Variants in GABRG3 observed in about 807,000 individuals in gnomAD.
GABRG3 encodes gamma-aminobutyric acid type A receptor subunit gamma3.
In GABRG3, 25 loss-of-function variants were observed where a neutral mutation model predicts 48.8. The observed-to-expected ratio is 0.51, with a 90% CI of 0.37 to 0.72. The LOEUF is 0.72. GABRG3 is among the 30% of genes least tolerant of loss of function. GABRG3 has a pLI of 0.00. For synonymous variants in GABRG3, 227 were observed against 217.6 expected, an observed-to-expected ratio of 1.04 and a Z score of -0.38; for missense variants, 394 against 577.9, an observed-to-expected ratio of 0.68 and a Z score of 3.26.
chr15:27,178,785 A>G (rs1887827879), intron 3 of GABRG3, among the ~76,000 whole-genome samples: 1 of 152,192 alleles, frequency 6.6e-6, no homozygotes, highest in Non-Finnish European at 1.5e-5. Flanking sequence ...CTGAAAACAT[A>G]TTCCTCTTTT....
chr15:27,040,376 C>T (rs568915599), intron 3 of GABRG3, among the ~76,000 whole-genome samples: 147 of 152,276 alleles, frequency 9.7e-4, no homozygotes, highest in African/African-American at 3.2e-3. Context: ...GCTGACTGCT[C>T]CCAAGTCACT....
chr15:27,359,118 CCAGGTTTGGGAGGCCACCCGGCCT>C (rs1274612004), intron 5 of GABRG3, among the ~76,000 whole-genome samples: 32 of 152,298 alleles, frequency 2.1e-4, no homozygotes, highest in African/African-American at 7.7e-4. Flanking sequence ...CTTCTCCTAT[CCAGGTTTGGGAGGCCACCCGGCCT>C]CAGGCCCCTG....
intron 4 of GABRG3, among the ~76,000 whole-genome samples, chr15:27,327,909 T>G (rs1893670975): frequency 6.6e-6 from 1 of 152,116 alleles, no homozygotes; most frequent in Non-Finnish European, 1.5e-5. Context: ...CCCTGCTGGC[T>G]TAGCTCATCC....
intron 3 of GABRG3, among the ~76,000 whole-genome samples, chr15:27,274,919 G>A (rs185717791): frequency 6.6e-6 from 1 of 152,142 alleles, no homozygotes; most frequent in Admixed American, 6.5e-5. Flanking sequence ...TTTAAATATT[G>A]TGCATTTTCC....
At chr15:27,117,456 C>T (rs1348768065) in intron 3 of GABRG3, among the ~76,000 whole-genome samples, 2 of 152,140 alleles carry the variant, frequency 1.3e-5, no homozygotes, top group East Asian at 3.9e-4. Flanking sequence ...CCAAGACACA[C>T]GCATTGGTCC....
At chr15:27,432,764 A>G (rs1888494515) in intron 5 of GABRG3, among the ~76,000 whole-genome samples, 1 of 152,000 alleles carries the variant, frequency 6.6e-6, no homozygotes, top group Non-Finnish European at 1.5e-5. Flanking sequence ...TTCCTATCAC[A>G]TTTTGCTATT....
chr15:27,032,017 C>T (rs893307102), intron 3 of GABRG3, among the ~76,000 whole-genome samples: 6 of 152,128 alleles, frequency 3.9e-5, no homozygotes, highest in South Asian at 2.1e-4. Context: ...GTTTTGGCAC[C>T]GTTCTAGGAC....
At chr15:27,527,743 C>T in intron 8 of GABRG3, 114 bp downstream of exon 8, 1 of 1,123,380 alleles carries the variant, frequency 8.9e-7, no homozygotes, top group Non-Finnish European at 1.3e-6. Context: ...ATACAAATAC[C>T]CAGTTCAACA....
chr15:27,307,215 A>G (rs1892607543), intron 3 of GABRG3, among the ~76,000 whole-genome samples: 1 of 138,200 alleles, frequency 7.2e-6, no homozygotes, highest in Non-Finnish European at 1.6e-5. Flanking sequence ...ACATGTTTAT[A>G]TATAACCATG....
chr15:27,491,467 G>C (rs1257039172), intron 6 of GABRG3, among the ~76,000 whole-genome samples: 1 of 152,150 alleles, frequency 6.6e-6, no homozygotes, highest in Admixed American at 6.5e-5. Flanking sequence ...GGGTTTCCTT[G>C]AGTATCACCT....
chr15:27,280,333 G>C (rs989168833), intron 3 of GABRG3: 1 of 152,042 alleles, frequency 6.6e-6, no homozygotes, highest in African/African-American at 2.4e-5. Context: ...ATAGCACCTG[G>C]TGTTTCCAGG....
intron 5 of GABRG3, among the ~76,000 whole-genome samples, chr15:27,475,173 T>G (rs761874891): frequency 1.3e-5 from 2 of 151,916 alleles, no homozygotes; most frequent in East Asian, 1.9e-4. Flanking sequence ...TTGGGGAACA[T>G]GACAATCAGA....
intron 5 of GABRG3, among the ~76,000 whole-genome samples, chr15:27,397,930 G>C (rs549457204): frequency 1.3e-5 from 2 of 150,824 alleles, no homozygotes; most frequent in Non-Finnish European, 2.9e-5. Context: ...TCAGCCTCCC[G>C]AGTAGCTGGG....
At position 27,540,370 on chromosome 15, in the gene GABRG3, A is replaced by C. The variant is rs753523859; in HGVS notation, c.*7489A>C. 2 of 152,148 alleles carry C rather than the reference A, an allele frequency of 1.3e-5. No individual in the cohort carries two copies. The highest frequency in any genetic ancestry group is 2.9e-5 in the Non-Finnish European group (2 of 68,036). The allele number at this position is 152,148 out of a possible 1,614,324, so 9.4% of individuals were successfully genotyped here. ...TATCTTTTTTCACTAAAATACATGC[A>C]TCTTTGGAAACTGCAAATTTTGTGA... On this transcript the variant is annotated 3_prime_UTR_variant, in exon 10 of 10. Transcript: ENST00000615808.
intron 5 of GABRG3, among the ~76,000 whole-genome samples, chr15:27,347,959 C>G (rs574949779): frequency 6.6e-6 from 1 of 152,084 alleles, no homozygotes; most frequent in South Asian, 2.1e-4. Flanking sequence ...TTTAGTGCAG[C>G]TTTTTCTCAT....
chr15:27,289,192 A>G lies in GABRG3; in HGVS notation c.271-37617A>G, dbSNP rs377139870. 3.3e-5 allele frequency among the ~76,000 whole-genome samples: 5 copies of G among 151,950 alleles called. No individual in the cohort carries two copies. In the South Asian group the frequency reaches 8.3e-4, roughly 25 times the overall value. On this transcript the variant is annotated intron_variant, in intron 3 of 9. Coordinates refer to ENST00000615808, the MANE Select transcript of GABRG3 (RefSeq NM_033223.5). ...GGTTTCCTGTGCATCTTAAATCTGT[A>G]ACTTTTTTCCTTGATCCATTTAGGT...
At chr15:27,505,508 T>C (rs1454084018) in intron 6 of GABRG3, among the ~76,000 whole-genome samples, 2 of 152,198 alleles carry the variant, frequency 1.3e-5, no homozygotes, top group African/African-American at 4.8e-5. Context: ...CTTTTAATTA[T>C]AAATGGATGT....
intron 3 of GABRG3, among the ~76,000 whole-genome samples, chr15:27,102,725 A>G (rs2140365891): frequency 6.6e-6 from 1 of 152,318 alleles, no homozygotes; most frequent in East Asian, 1.9e-4. Flanking sequence ...TTGTGAGCTT[A>G]CTTCTCCTAA....
In GABRG3 at chr15:27,540,486, T is replaced by A. The variant is rs1891640687; in HGVS notation, c.*7605T>A. 6.6e-6 allele frequency: 1 copy of A among 152,242 alleles called. No individual in the cohort carries two copies. Among genetic ancestry groups the A allele is most frequent in the African/African-American group, 2.4e-5 (1 of 41,466 alleles). The allele number at this position is 152,242 out of a possible 1,614,324, so 9.4% of individuals were successfully genotyped here. On this transcript the variant is annotated 3_prime_UTR_variant, in exon 10 of 10. Transcript: ENST00000615808. Reference sequence around the variant, plus strand: ...CTTATCCTGGCATTTTTACTTTGAATAGAAATAGTCACAGGCAAAATATAT... The same window carrying A: ...CTTATCCTGGCATTTTTACTTTGAAAAGAAATAGTCACAGGCAAAATATAT...
Sources: allele counts gnomAD v4.1 joint callset (sites outside exome capture counted in the v4.1 genomes callset), GRCh38; gene constraint gnomAD v4.1.1; transcripts MANE v1.5; gene names NCBI Gene and HGNC (gene_info 2026-07-23, HGNC 2026-07-21).